Variants in ATP10B observed in about 807,000 individuals in gnomAD.
ATP10B encodes phospholipid-transporting ATPase VB.
ATP10B carries 122 observed loss-of-function variants against 141.2 expected under a neutral mutation model. The ratio of observed to expected loss-of-function variants is 0.86; its 90% CI spans 0.75 to 1.00. The LOEUF is 1.00. ATP10B is among the 50% of genes least tolerant of loss of function. The pLI is 0.00. For synonymous variants in ATP10B, 685 were observed against 692.0 expected (o/e 0.99, Z 0.16); for missense variants, 1,876 against 1,825.3 (o/e 1.03, Z -0.51).
At chr5:160,907,309 A>G in the ATP10B span, among the ~76,000 whole-genome samples, 1 of 151,968 alleles carries the variant, frequency 6.6e-6, no homozygotes, top group Non-Finnish European at 1.5e-5. Context: ...AATTTACACA[A>G]CATTGTTATT....
At chr5:160,919,980 A>G in the ATP10B span, among the ~76,000 whole-genome samples, 1 of 152,208 alleles carries the variant, frequency 6.6e-6, no homozygotes, top group Non-Finnish European at 1.5e-5. Context: ...TCTGTTTGTC[A>G]AGAAACAGGG....
chr5:160,621,617 G>T (rs1275729111), intron 14 of ATP10B, among the ~76,000 whole-genome samples: 3 of 152,218 alleles, frequency 2.0e-5, no homozygotes, highest in African/African-American at 7.2e-5. Context: ...TTTCAGGGTG[G>T]TTTGGAATCT....
At chr5:160,718,862 C>T (rs1367236258) in intron 2 of ATP10B, among the ~76,000 whole-genome samples, 1 of 152,178 alleles carries the variant, frequency 6.6e-6, no homozygotes, top group Non-Finnish European at 1.5e-5. Flanking sequence ...TAGGGACAAA[C>T]CAAACCCTAG....
chr5:160,797,598 A>C lies in ATP10B; in HGVS notation c.-575-11795T>G, dbSNP rs149202015. On this transcript the variant is annotated intron_variant, in intron 1 of 25. Transcript: ENST00000327245. ...TGGCCTTTCATATAACAGATACTCA[A>C]ATCTTTTTGTTTTACTAAACAACTA... 5.1e-4 allele frequency among the ~76,000 whole-genome samples: 77 copies of C among 152,300 alleles called. 1 individual carries two copies. The highest frequency in any genetic ancestry group is 6.8e-3 in the Middle Eastern group (2 of 294).
chr5:160,866,288 C>T, the ATP10B span, among the ~76,000 whole-genome samples: 1 of 152,104 alleles, frequency 6.6e-6, no homozygotes, highest in East Asian at 1.9e-4. Context: ...AGGCCATTAT[C>T]CTAAGTGAAG....
upstream of ATP10B, among the ~76,000 whole-genome samples, chr5:160,852,622 T>A (rs556901684): frequency 1.2e-4 from 18 of 152,224 alleles, no homozygotes; most frequent in Non-Finnish European, 1.3e-4. Flanking sequence ...TATTGATTAC[T>A]GTTTGATTAT....
In ATP10B at chr5:160,612,988, C is replaced by CA. The variant is rs764295295; in HGVS notation, c.2654-64dup. ...TAAAAGAGTAGTTGCTTAATTCCCC[C>CA]AAAGCCATGTGAAGCCAGGCAATGT... On this transcript the variant is annotated intron_variant, in intron 17 of 25. Coordinates refer to ENST00000327245, the MANE Select transcript of ATP10B (RefSeq NM_025153.3). The CA allele has an allele frequency of 5.6e-5, 83 of 1,494,654 alleles. 3 individuals carry two copies. The highest frequency in any genetic ancestry group is 3.0e-4 in the Admixed American group (15 of 49,644). The allele number at this position is 1,494,654 out of a possible 1,614,324, so 92.6% of individuals were successfully genotyped here. A position where few individuals can be genotyped will look rare whatever the true frequency, so the allele number is the denominator to read the frequency against.
intron 15 of ATP10B, among the ~76,000 whole-genome samples, chr5:160,618,320 C>A (rs937074102): frequency 6.0e-4 from 91 of 152,206 alleles, no homozygotes; most frequent in African/African-American, 2.1e-3. Context: ...AGTTAAAGCC[C>A]AGCTGAATCA....
chr5:160,652,453 ATTT>A (rs1185073563), intron 7 of ATP10B, among the ~76,000 whole-genome samples: 2 of 143,022 alleles, frequency 1.4e-5, no homozygotes, highest in African/African-American at 5.3e-5. Flanking sequence ...TTATTTATTT[ATTT>A]ATTTATTTAT....
At chr5:160,613,019 G>C in intron 17 of ATP10B, 94 bp from the exon 18 acceptor site, 1 of 1,243,192 alleles carries the variant, frequency 8.0e-7, no homozygotes, top group Non-Finnish European at 1.1e-6. Context: ...AATGTTTATT[G>C]GATAGCATCA....
chr5:160,812,113 A>T (rs190981588), intron 1 of ATP10B, among the ~76,000 whole-genome samples: 4 of 152,098 alleles, frequency 2.6e-5, no homozygotes, highest in African/African-American at 7.2e-5. Flanking sequence ...AGACAACAAG[A>T]GTTTCTGCCT....
chr5:160,621,371 C>CA (rs1268937819), intron 14 of ATP10B, among the ~76,000 whole-genome samples: 5 of 152,162 alleles, frequency 3.3e-5, no homozygotes, highest in Non-Finnish European at 7.4e-5. Flanking sequence ...AGTTGGAACT[C>CA]AAACCCAGGT....
chr5:160,859,250 C>T, the ATP10B span, among the ~76,000 whole-genome samples: 20 of 151,930 alleles, frequency 1.3e-4, 1 homozygote, highest in East Asian at 2.3e-3. Flanking sequence ...ATTGAAACTT[C>T]TCATATAGAA....
the ATP10B span, among the ~76,000 whole-genome samples, chr5:160,876,989 T>G: frequency 0.013 from 1,880 of 149,674 alleles, 39 homozygotes; most frequent in African/African-American, 0.044. Flanking sequence ...CTTCTGAAAC[T>G]ATTCCAATCA....
At chr5:160,643,987 C>T (rs1160194209) in intron 9 of ATP10B, 151 bp downstream of exon 9, 3 of 640,432 alleles carry the variant, frequency 4.7e-6, no homozygotes, top group African/African-American at 1.8e-5. Flanking sequence ...CTGTGATTCC[C>T]AGCCTCCGTT....
At chr5:160,585,183 A>C (rs1475391025) in intron 24 of ATP10B, among the ~76,000 whole-genome samples, 5 of 152,122 alleles carry the variant, frequency 3.3e-5, no homozygotes, top group African/African-American at 1.2e-4. Flanking sequence ...TTTGTGTATC[A>C]TTCTGGATAA....
intron 24 of ATP10B, among the ~76,000 whole-genome samples, chr5:160,585,648 C>T (rs1259112692): frequency 1.3e-5 from 2 of 152,106 alleles, no homozygotes; most frequent in African/African-American, 4.8e-5. Context: ...AACAGCTTGC[C>T]ATTGTTATCT....
chr5:160,848,721 A>T (rs1753591611), intron 1 of ATP10B, among the ~76,000 whole-genome samples: 1 of 152,202 alleles, frequency 6.6e-6, no homozygotes. Flanking sequence ...GAGATTAGCA[A>T]TGGGTAGAGA....
chr5:160,873,545 T>C, the ATP10B span, among the ~76,000 whole-genome samples: 2 of 152,210 alleles, frequency 1.3e-5, no homozygotes, highest in East Asian at 1.9e-4. Flanking sequence ...GTTGGCCGAA[T>C]AGGAACAGCT....
Sources: allele counts gnomAD v4.1 joint callset (sites outside exome capture counted in the v4.1 genomes callset), GRCh38; gene constraint gnomAD v4.1.1; transcripts MANE v1.5; gene names NCBI Gene and HGNC (gene_info 2026-07-23, HGNC 2026-07-21).